Variants in CPNE2 observed in about 807,000 individuals in gnomAD.
CPNE2 encodes copine 2, also known as copine-2.
CPNE2 carries 42 observed loss-of-function variants against 69.7 expected under a neutral mutation model. The ratio of observed to expected loss-of-function variants is 0.60; its 90% CI spans 0.47 to 0.78. The LOEUF is 0.78. Among genes scored for constraint, CPNE2 ranks in the 30% least tolerant of loss-of-function variants. The pLI, the probability that CPNE2 is intolerant of heterozygous loss-of-function variation, is 0.00. For synonymous variants in CPNE2, 294 were observed against 289.8 expected (o/e 1.01, Z -0.15); for missense variants, 587 against 732.0 (o/e 0.80, Z 2.29).
At chr16:57,134,703 G>A in intron 12 of CPNE2, 72 bp from the exon 13 acceptor site, 2 of 1,554,828 alleles carry the variant, frequency 1.3e-6, no homozygotes, top group Admixed American at 1.7e-5. Flanking sequence ...GCCTTGGCCT[G>A]GCAGTGGGTG....
chr16:57,147,418 C>T, intron 15 of CPNE2, 133 bp from the exon 16 acceptor site: 2 of 562,028 alleles, frequency 3.6e-6, no homozygotes, highest in East Asian at 3.0e-5. Context: ...GCAGACAGCC[C>T]TGGCCCGCAG....
chr16:57,110,654 G>A (rs2069674960), intron 1 of CPNE2, 54 bp from the exon 2 acceptor site: 4 of 1,186,840 alleles, frequency 3.4e-6, no homozygotes, highest in Non-Finnish European at 4.5e-6. Flanking sequence ...CCCTATGGTG[G>A]GGCAGCATAG....
chr16:57,097,533 T>C (rs1241786150), intron 1 of CPNE2, among the ~76,000 whole-genome samples: 2 of 152,166 alleles, frequency 1.3e-5, no homozygotes, highest in Non-Finnish European at 2.9e-5. Context: ...ATGAAGAAAG[T>C]AGTGGGGACA....
intron 2 of CPNE2, 33 bp downstream of exon 2, chr16:57,110,955 G>C (rs1355796981): frequency 6.3e-7 from 1 of 1,588,150 alleles, no homozygotes. Context: ...CGGTGGGTAA[G>C]GGGGTGGCTA....
chr16:57,119,165 C>G, intron 5 of CPNE2, 30 bp from the exon 6 acceptor site: 1 of 1,599,596 alleles, frequency 6.3e-7, no homozygotes, highest in African/African-American at 1.3e-5. Flanking sequence ...GGCTGTACCT[C>G]TCTCACCCGC....
chr16:57,098,093 G>A (rs1597488363), intron 1 of CPNE2, among the ~76,000 whole-genome samples: 2 of 152,196 alleles, frequency 1.3e-5, no homozygotes, highest in African/African-American at 4.8e-5. Context: ...GGAGGGTGGG[G>A]GTGGGGGTGT....
At chr16:57,110,207 C>T (rs1041986894) in intron 1 of CPNE2, among the ~76,000 whole-genome samples, 6 of 144,064 alleles carry the variant, frequency 4.2e-5, no homozygotes, top group African/African-American at 1.3e-4. Context: ...GACAGAGACT[C>T]TTTTTTCTTT....
intron 10 of CPNE2, chr16:57,124,688 G>A (rs2069787737): frequency 3.9e-6 from 1 of 253,816 alleles, no homozygotes; most frequent in South Asian, 4.0e-5. Context: ...CAGAAGGGAG[G>A]AAGCTGCTGG....
At chr16:57,145,823 G>T in intron 14 of CPNE2, 1 of 508,788 alleles carries the variant, frequency 2.0e-6, no homozygotes, top group Admixed American at 3.4e-5. Flanking sequence ...CCCCAAGGGG[G>T]AGTCTAAGAT....
At chr16:57,103,510 A>G (rs1001401353) in intron 1 of CPNE2, among the ~76,000 whole-genome samples, 1 of 152,022 alleles carries the variant, frequency 6.6e-6, no homozygotes, top group Non-Finnish European at 1.5e-5. Flanking sequence ...AGGACATCCC[A>G]CTGTGGTCCC....
At chr16:57,138,952 G>A (rs2069902534) in intron 14 of CPNE2, among the ~76,000 whole-genome samples, 1 of 152,218 alleles carries the variant, frequency 6.6e-6, no homozygotes, top group Non-Finnish European at 1.5e-5. Context: ...CTTCCGGGAG[G>A]TGGTGGGAAA....
At chr16:57,095,775 TCTTA>T (rs1454339125) in intron 1 of CPNE2, among the ~76,000 whole-genome samples, 1 of 152,236 alleles carries the variant, frequency 6.6e-6, no homozygotes, top group Non-Finnish European at 1.5e-5. Flanking sequence ...ATGGAACATT[TCTTA>T]CTTATCTGGC....
chr16:57,127,786 G>GTTCCT, intron 11 of CPNE2, 63 bp from the exon 12 acceptor site: 1 of 1,545,544 alleles, frequency 6.5e-7, no homozygotes, highest in Non-Finnish European at 8.9e-7. Context: ...CCCAGCCCTG[G>GTTCCT]GCAGAGGGTC....
intron 1 of CPNE2, among the ~76,000 whole-genome samples, chr16:57,106,872 C>T (rs7186338): frequency 0.038 from 5,799 of 152,286 alleles, 338 homozygotes; most frequent in African/African-American, 0.13. Flanking sequence ...CCCGCTTAGC[C>T]TCAGGCTCCC....
Position 57,110,760 on chromosome 16 carries a change from T to TGGGGGTGCCCCAGCAGCG in CPNE2, c.23_40dup (p.Gly8_Gly13dup). 6.2e-7 allele frequency: 1 copy of TGGGGGTGCCCCAGCAGCG among 1,611,756 alleles called. No homozygotes were observed. The highest frequency in any genetic ancestry group is 2.2e-5 in the East Asian group (1 of 44,690). On this transcript the variant is annotated inframe_insertion, in exon 2 of 16. Transcript: ENST00000290776. ...CGGCTCCCATGGCCCACATACCCAG[T>TGGGGGTGCCCCAGCAGCG]GGGGGTGCCCCAGCAGCGGGGGCAG...
chr16:57,096,327 C>T (rs1342116586), intron 1 of CPNE2, among the ~76,000 whole-genome samples: 1 of 152,164 alleles, frequency 6.6e-6, no homozygotes, highest in East Asian at 1.9e-4. Context: ...GTTTGAAACC[C>T]AGTAGCTCAG....
Position 57,110,778 on chromosome 16 carries a change from G to A in CPNE2, c.36G>A (p.Ala12=), listed in dbSNP as rs112455396. 157 of 1,612,614 alleles carry A rather than the reference G, an allele frequency of 9.7e-5. 1 individual carries two copies. The African/African-American group carries it at 1.3e-3, about 13-fold the overall frequency. The change falls in exon 2 of 16, where the codon GCG becomes GCA. Residue 12 remains alanine, a synonymous_variant. Coordinates refer to ENST00000290776, the MANE Select transcript of CPNE2 (RefSeq NM_152727.6). ...TACCCAGTGGGGGTGCCCCAGCAGC[G>A]GGGGCAGCCCCCATGGGCCCCCAGT... ...AHIPSGGAPA[A]GAAPMGPQYC... is the part of the protein sequence containing the mutation.
At position 57,104,571 on chromosome 16, in the gene CPNE2, C is replaced by A. The variant is rs1339107842; in HGVS notation, c.-35-6137C>A. Among the ~76,000 whole-genome samples the A allele has an allele frequency of 3.3e-5, 5 of 152,296 alleles. No individual in the cohort carries two copies. The South Asian group carries it at 1.0e-3, about 32-fold the overall frequency. ...TGATGGAGCCTGCCTGACGAGCCCC[C>A]ACCTTCCTCATTGATTAGGTGCTCA... On this transcript the variant is annotated intron_variant, in intron 1 of 15. Transcript: ENST00000290776.
chr16:57,117,589 C>T (rs762940491), intron 5 of CPNE2, 22 bp downstream of exon 5: 1 of 1,611,452 alleles, frequency 6.2e-7, no homozygotes, highest in Non-Finnish European at 8.5e-7. Flanking sequence ...AGAGGAAGGG[C>T]TCCCATTGGG....
Sources: allele counts gnomAD v4.1 joint callset (sites outside exome capture counted in the v4.1 genomes callset), GRCh38; gene constraint gnomAD v4.1.1; transcripts MANE v1.5; gene names NCBI Gene and HGNC (gene_info 2026-07-23, HGNC 2026-07-21).